Variants in HSF2BP observed in about 807,000 individuals in gnomAD.
HSF2BP encodes heat shock transcription factor 2 binding protein, also known as heat shock factor 2-binding protein.
A neutral mutation model predicts 35.0 loss-of-function variants in HSF2BP; 35 were observed. That is an observed-to-expected ratio of 1.00 (90% confidence interval 0.76 to 1.32). The LOEUF is 1.32. Among genes scored for constraint, HSF2BP ranks in the 40% most tolerant of loss-of-function variants. HSF2BP has a pLI of 0.00. For synonymous variants in HSF2BP, 114 were observed against 117.4 expected (o/e 0.97, Z 0.18); for missense variants, 326 against 321.7 (o/e 1.01, Z -0.10).
chr21:43,659,452 G>A lies in HSF2BP; in HGVS notation c.-291C>T, dbSNP rs1050432792. On this transcript the variant is annotated 5_prime_UTR_variant, in exon 1 of 9. Coordinates refer to ENST00000291560, the MANE Select transcript of HSF2BP (RefSeq NM_007031.2). The surrounding 1 kb of genome is among the most constrained non-coding windows in gnomAD (Gnocchi z 4.2). Reference sequence around the variant, plus strand: ...GCCGGCGCCACGTGCACACGGGCTGGGCCGCTCCGCCAGCTGCCAGGGCCA... The same window carrying A: ...GCCGGCGCCACGTGCACACGGGCTGAGCCGCTCCGCCAGCTGCCAGGGCCA... 1.6e-5 allele frequency: 5 copies of A among 316,584 alleles called. No individual in the cohort carries two copies. The highest frequency in any genetic ancestry group is 8.9e-5 in the African/African-American group (4 of 45,164). The allele number at this position is 316,584 out of a possible 1,614,324, so 19.6% of individuals were successfully genotyped here.
At chr21:43,638,104 T>G (rs1232638823) in intron 4 of HSF2BP, among the ~76,000 whole-genome samples, 1 of 152,120 alleles carries the variant, frequency 6.6e-6, no homozygotes, top group Non-Finnish European at 1.5e-5. Flanking sequence ...ATGACATGAT[T>G]GTCCATGTAG....
intron 7 of HSF2BP, among the ~76,000 whole-genome samples, chr21:43,603,939 AC>A (rs1262170113): frequency 6.6e-6 from 1 of 152,128 alleles, no homozygotes; most frequent in African/African-American, 2.4e-5. Context: ...AGTCTGATCC[AC>A]CACTGACCTG....
intron 3 of HSF2BP, among the ~76,000 whole-genome samples, chr21:43,647,300 C>T (rs559154387): frequency 7.2e-5 from 11 of 152,164 alleles, no homozygotes; most frequent in African/African-American, 2.6e-4. Context: ...GATCTCAGCT[C>T]ACTGCAACCA....
the HSF2BP span, among the ~76,000 whole-genome samples, chr21:43,498,936 CCT>C: frequency 8.4e-6 from 1 of 119,496 alleles, no homozygotes; most frequent in Admixed American, 8.0e-5. Flanking sequence ...AAGACGAGGC[CCT>C]CTGAGTCCTG....
At chr21:43,650,952 C>T (rs2082777258) in intron 3 of HSF2BP, among the ~76,000 whole-genome samples, 1 of 152,126 alleles carries the variant, frequency 6.6e-6, no homozygotes, top group African/African-American at 2.4e-5. Flanking sequence ...AAGTGATCTG[C>T]CAGCCTTGGC....
intron 5 of HSF2BP, among the ~76,000 whole-genome samples, chr21:43,631,964 C>G (rs1601697440): frequency 5.0e-5 from 1 of 19,828 alleles, no homozygotes; most frequent in Non-Finnish European, 8.7e-5. Context: ...CACACACACT[C>G]CCCCCCCACA....
At chr21:43,605,424 C>G (rs1244652111) in intron 7 of HSF2BP, among the ~76,000 whole-genome samples, 1 of 144,446 alleles carries the variant, frequency 6.9e-6, no homozygotes, top group Non-Finnish European at 1.5e-5. Flanking sequence ...CACACACACT[C>G]CAACACACAC....
intron 3 of HSF2BP, among the ~76,000 whole-genome samples, chr21:43,645,409 G>A (rs2082695303): frequency 6.6e-6 from 1 of 152,034 alleles, no homozygotes; most frequent in African/African-American, 2.4e-5. Context: ...ACTACTTCTG[G>A]GCGATAACCT....
At chr21:43,656,440 T>A in intron 3 of HSF2BP, 147 bp downstream of exon 3, 1 of 778,220 alleles carries the variant, frequency 1.3e-6, no homozygotes, top group Non-Finnish European at 2.0e-6. Flanking sequence ...TGAGGAAACC[T>A]CCCTTTCTTA....
intron 2 of HSF2BP, among the ~76,000 whole-genome samples, chr21:43,657,130 G>A (rs982955536): frequency 6.6e-6 from 1 of 152,170 alleles, no homozygotes; most frequent in African/African-American, 2.4e-5. Context: ...CAGCACTTTG[G>A]GAGGCCGAGG....
chr21:43,608,821 T>A (rs1397858548), intron 7 of HSF2BP, among the ~76,000 whole-genome samples: 3 of 151,894 alleles, frequency 2.0e-5, no homozygotes, highest in Non-Finnish European at 2.9e-5. Flanking sequence ...AAATTTTTTT[T>A]AATTAGCCAG....
At chr21:43,640,102 G>C in intron 4 of HSF2BP, among the ~76,000 whole-genome samples, 1 of 152,162 alleles carries the variant, frequency 6.6e-6, no homozygotes, top group East Asian at 1.9e-4. Context: ...AGGGGTTCAA[G>C]ACCAGCCTGA....
chr21:43,637,060 G>A (rs1260468441), intron 4 of HSF2BP, among the ~76,000 whole-genome samples: 1 of 151,362 alleles, frequency 6.6e-6, no homozygotes, highest in Non-Finnish European at 1.5e-5. Flanking sequence ...AGGCCAAGGC[G>A]GGCAGATCAC....
chr21:43,620,819 C>G (rs959378908), intron 6 of HSF2BP, among the ~76,000 whole-genome samples: 2 of 151,994 alleles, frequency 1.3e-5, no homozygotes, highest in African/African-American at 4.8e-5. Flanking sequence ...TTGAGGCTCT[C>G]AACAGCGGAA....
chr21:43,655,914 G>A (rs1393392472), intron 3 of HSF2BP, among the ~76,000 whole-genome samples: 2 of 152,162 alleles, frequency 1.3e-5, no homozygotes, highest in Admixed American at 1.3e-4. Context: ...CAGCTACCTG[G>A]GCCCCCTGGA....
chr21:43,628,474 AG>A (rs1391821612), intron 6 of HSF2BP, among the ~76,000 whole-genome samples: 3 of 152,244 alleles, frequency 2.0e-5, no homozygotes, highest in Admixed American at 6.5e-5. Flanking sequence ...GAAGGCTGAC[AG>A]GGGTAAGGAA....
At chr21:43,621,700 A>G (rs1165713928) in intron 6 of HSF2BP, among the ~76,000 whole-genome samples, 2 of 152,204 alleles carry the variant, frequency 1.3e-5, no homozygotes, top group African/African-American at 2.4e-5. Flanking sequence ...AGAGAATTTA[A>G]CACCAACCAG....
At chr21:43,587,572 G>A (rs2081868789) in intron 8 of HSF2BP, among the ~76,000 whole-genome samples, 1 of 150,904 alleles carries the variant, frequency 6.6e-6, no homozygotes, top group African/African-American at 2.4e-5. Flanking sequence ...GGCTGAGGCA[G>A]GAGAATCGCT....
intron 3 of HSF2BP, among the ~76,000 whole-genome samples, chr21:43,645,195 T>C (rs1255372606): frequency 6.6e-6 from 1 of 152,210 alleles, no homozygotes; most frequent in East Asian, 1.9e-4. Context: ...TCTAACTTCT[T>C]TGATTAAAGT....
Sources: allele counts gnomAD v4.1 joint callset (sites outside exome capture counted in the v4.1 genomes callset), GRCh38; gene constraint gnomAD v4.1.1; non-coding constraint Gnocchi (gnomAD v3.1); transcripts MANE v1.5; gene names NCBI Gene and HGNC (gene_info 2026-07-23, HGNC 2026-07-21).